Variants in ARHGEF26 observed in about 807,000 individuals in gnomAD.
ARHGEF26 encodes the protein Rho guanine nucleotide exchange factor (GEF) 26.
In ARHGEF26, 59 loss-of-function variants were observed where a neutral mutation model predicts 89.4. That is an observed-to-expected ratio of 0.66 (90% confidence interval 0.54 to 0.82). The LOEUF (loss-of-function observed/expected upper bound fraction) is 0.82, where lower values mean the gene tolerates loss of function less well. ARHGEF26 is among the 40% of genes least tolerant of loss of function. ARHGEF26 has a pLI of 0.00. For missense variants in ARHGEF26, 1,234 were observed against 1,085.6 expected (o/e 1.14, Z -1.92); for synonymous variants, 500 against 428.4 (o/e 1.17, Z -2.06).
chr3:154,230,455 A>T (rs533065873), intron 11 of ARHGEF26, among the ~76,000 whole-genome samples: 1 of 152,240 alleles, frequency 6.6e-6, no homozygotes, highest in Admixed American at 6.5e-5. Context: ...CCCTCATCCT[A>T]TAAAGTTATT....
At chr3:154,155,605 G>A (rs968844421) in intron 6 of ARHGEF26, among the ~76,000 whole-genome samples, 2 of 151,876 alleles carry the variant, frequency 1.3e-5, no homozygotes, top group African/African-American at 4.8e-5. Flanking sequence ...GGACGTGTAC[G>A]TTCATTTATT....
At chr3:154,127,508 G>T (rs540842486) in intron 3 of ARHGEF26, among the ~76,000 whole-genome samples, 54 of 132,206 alleles carry the variant, frequency 4.1e-4, no homozygotes, top group African/African-American at 1.5e-3. Flanking sequence ...GGTCTTCAGG[G>T]ACAGTAACAT....
rs1718424412 is a variant in ARHGEF26, at chr3:154,255,250, CCT to C, written c.2474-77_2474-76del. 17 of 1,443,922 alleles carry C rather than the reference CCT, an allele frequency of 1.2e-5. No individual in the cohort carries two copies. The South Asian group carries it at 1.7e-4, about 14-fold the overall frequency. 89.4% of individuals were successfully genotyped at this position (1,443,922 alleles called of 1,614,324 possible). A position where few individuals can be genotyped will look rare whatever the true frequency, so the allele number is the denominator to read the frequency against. The stretch of plus-strand genomic sequence containing the variant: ...GCACTTAGCCTGGGGAGGGATGCTG[CCT>C]CTCAGCTTTTTCATATCCTTGGAGC... On this transcript the variant is annotated intron_variant, in intron 14 of 14. Transcript: ENST00000465093.
At chr3:154,148,483 A>C (rs542338066) in intron 4 of ARHGEF26, among the ~76,000 whole-genome samples, 2 of 152,328 alleles carry the variant, frequency 1.3e-5, no homozygotes, top group East Asian at 3.9e-4. Flanking sequence ...TTTTGATAGG[A>C]CAAAGTACTC....
chr3:154,148,406 C>T (rs1023110815), intron 4 of ARHGEF26, among the ~76,000 whole-genome samples: 1 of 152,084 alleles, frequency 6.6e-6, no homozygotes, highest in Non-Finnish European at 1.5e-5. Flanking sequence ...AATACTTTAC[C>T]TTTGTCAAAA....
At chr3:154,228,390 GC>G (rs1716621290) in intron 11 of ARHGEF26, among the ~76,000 whole-genome samples, 1 of 151,626 alleles carries the variant, frequency 6.6e-6, no homozygotes, top group East Asian at 1.9e-4. Context: ...GCCTGTCTCG[GC>G]CTCCCAAAGT....
intron 9 of ARHGEF26, among the ~76,000 whole-genome samples, chr3:154,213,413 G>C (rs980335574): frequency 6.7e-6 from 1 of 149,236 alleles, no homozygotes; most frequent in Non-Finnish European, 1.5e-5. Flanking sequence ...TCAAATTAAT[G>C]CTTGTCCCTT....
chr3:154,232,697 A>G (rs1716892101), intron 11 of ARHGEF26, among the ~76,000 whole-genome samples: 1 of 152,198 alleles, frequency 6.6e-6, no homozygotes, highest in Non-Finnish European at 1.5e-5. Context: ...GAGGTAATAA[A>G]TGTATTATCT....
intron 2 of ARHGEF26, 38 bp from the exon 3 acceptor site, chr3:154,124,372 C>CTTTTTTTTTTTTTTTTTTTTTTTCTTTTT (rs10688646): frequency 1.3e-5 from 13 of 1,010,664 alleles, no homozygotes; most frequent in African/African-American, 1.2e-4. Context: ...TTTGCTTTTC[C>CTTTTTTTTTTTTTTTTTTTTTTTCTTTTT]TTTTTTTTTT....
chr3:154,190,436 A>G (rs1713884460), intron 7 of ARHGEF26, among the ~76,000 whole-genome samples: 1 of 152,150 alleles, frequency 6.6e-6, no homozygotes, highest in African/African-American at 2.4e-5. Context: ...TGAACCTGGG[A>G]GGCAGAGGCT....
intron 5 of ARHGEF26, among the ~76,000 whole-genome samples, chr3:154,151,631 A>G (rs1237631957): frequency 6.6e-6 from 1 of 152,198 alleles, no homozygotes; most frequent in Non-Finnish European, 1.5e-5. Context: ...ACTTAATTTC[A>G]TGAAATACAA....
chr3:154,256,612 C>A lies in ARHGEF26; in HGVS notation c.*1139C>A. ...GAGCTGATAAAAAACTGACGTGAGG[C>A]TGCTTTGCCTTCAATAATACCTAGT... On this transcript the variant is annotated 3_prime_UTR_variant, in exon 15 of 15. Coordinates refer to ENST00000465093, the MANE Select transcript of ARHGEF26 (RefSeq NM_015595.4). 9.5e-7 allele frequency: 1 copy of A among 1,053,924 alleles called. No individual in the cohort carries two copies. The highest frequency in any genetic ancestry group is 4.6e-5 in the South Asian group (1 of 21,568). The allele number at this position is 1,053,924 out of a possible 1,614,324, so 65.3% of individuals were successfully genotyped here.
At chr3:154,163,455 T>G (rs1239802532) in intron 6 of ARHGEF26, among the ~76,000 whole-genome samples, 1 of 152,198 alleles carries the variant, frequency 6.6e-6, no homozygotes, top group African/African-American at 2.4e-5. Flanking sequence ...ATAGACTGTT[T>G]GTTCAAAAAT....
chr3:154,125,664 GA>G (rs1296675485), intron 3 of ARHGEF26, among the ~76,000 whole-genome samples: 1 of 152,084 alleles, frequency 6.6e-6, no homozygotes, highest in Non-Finnish European at 1.5e-5. Flanking sequence ...AAAATTTTTA[GA>G]TTTTTTTTGA....
At chr3:154,140,194 T>A (rs898886420) in intron 4 of ARHGEF26, among the ~76,000 whole-genome samples, 1 of 152,214 alleles carries the variant, frequency 6.6e-6, no homozygotes, top group Non-Finnish European at 1.5e-5. Flanking sequence ...TGCAGTTAAA[T>A]TACTGACCAC....
chr3:154,150,774 C>T (rs1719974402), intron 5 of ARHGEF26, among the ~76,000 whole-genome samples: 1 of 152,008 alleles, frequency 6.6e-6, no homozygotes, highest in African/African-American at 2.4e-5. Context: ...TCTTTTAAAC[C>T]TTATATAACC....
chr3:154,241,044 G>A (rs1254695521), intron 12 of ARHGEF26, among the ~76,000 whole-genome samples: 1 of 152,112 alleles, frequency 6.6e-6, no homozygotes, highest in Non-Finnish European at 1.5e-5. Flanking sequence ...CCAGTTTACG[G>A]AAATATACTG....
intron 6 of ARHGEF26, among the ~76,000 whole-genome samples, chr3:154,183,977 C>CTTTCTTTT (rs1237510857): frequency 6.4e-5 from 9 of 140,318 alleles, no homozygotes; most frequent in South Asian, 4.7e-4. Flanking sequence ...AATTTTCTTT[C>CTTTCTTTT]TTTTTTTTTT....
In ARHGEF26 at chr3:154,248,383, A is replaced by G. The variant is rs189879392; in HGVS notation, c.2301-4733A>G. Reference sequence around the variant, plus strand: ...TGATTTAATTAACAACAGGAAGTACATGGAATGGAATAAAATTGTAAATAG... The same window carrying G: ...TGATTTAATTAACAACAGGAAGTACGTGGAATGGAATAAAATTGTAAATAG... On this transcript the variant is annotated intron_variant, in intron 12 of 14. Coordinates refer to ENST00000465093, the MANE Select transcript of ARHGEF26 (RefSeq NM_015595.4). 3.1e-3 allele frequency among the ~76,000 whole-genome samples: 469 copies of G among 152,338 alleles called. 10 individuals are homozygous for G. The highest frequency in any genetic ancestry group is 0.029 in the Admixed American group (440 of 15,300).
Sources: allele counts gnomAD v4.1 joint callset (sites outside exome capture counted in the v4.1 genomes callset), GRCh38; gene constraint gnomAD v4.1.1; transcripts MANE v1.5; gene names NCBI Gene and HGNC (gene_info 2026-07-23, HGNC 2026-07-21).